The following CD99 variants were observed in gnomAD, a reference collection of about 807,000 sequenced individuals.
CD99 encodes CD99 antigen.
In CD99, 19 loss-of-function variants were observed where a neutral mutation model predicts 28.4. The ratio of observed to expected loss-of-function variants is 0.67; its 90% confidence interval spans 0.47 to 0.98. The LOEUF (loss-of-function observed/expected upper bound fraction) is 0.98. Ranked by LOEUF, CD99 falls within the 50% of genes least tolerant of loss-of-function variation. The pLI is 0.00. For synonymous variants in CD99, 103 were observed against 92.1 expected, an observed-to-expected ratio of 1.12 and a Z score of -0.67; for missense variants, 283 against 248.8, an observed-to-expected ratio of 1.14 and a Z score of -0.92.
At chrX:2,692,886 C>T (rs1251084961) in intron 1 of CD99, among the ~76,000 whole-genome samples, 1 of 152,148 alleles carries the variant, frequency 6.6e-6, no homozygotes, top group Non-Finnish European at 1.5e-5. Flanking sequence ...CCTAAGAATT[C>T]AGTTTCCTGG....
intron 8 of CD99, among the ~76,000 whole-genome samples, chrX:2,730,998 C>T (rs1436220861): frequency 6.6e-6 from 1 of 151,780 alleles, no homozygotes; most frequent in African/African-American, 2.4e-5. Context: ...CAAGACCCTA[C>T]CTCAAAAGAG....
At chrX:2,709,210 T>C (rs1277199415) in intron 1 of CD99, among the ~76,000 whole-genome samples, 1 of 152,038 alleles carries the variant, frequency 6.6e-6, no homozygotes, top group South Asian at 2.1e-4. Context: ...CATACATGCA[T>C]GCACACTCAT....
chrX:2,704,066 G>A (rs923070522), intron 1 of CD99, among the ~76,000 whole-genome samples: 1 of 152,160 alleles, frequency 6.6e-6, no homozygotes, highest in Non-Finnish European at 1.5e-5. Context: ...ACCACAGAAC[G>A]AAAATGTCTG....
Position 2,719,466 on chromosome X carries a change from C to T in CD99, c.149-195C>T, listed in dbSNP as rs311080. On this transcript the variant is annotated intron_variant, in intron 3 of 9. Transcript: ENST00000381192. ...TCTGTCTCTGTCTCTCTGTTTTTTC[C>T]TCTTTTTATCTGAGAGAATAGTGAT... is the stretch of plus-strand genomic sequence containing the variant. 0.02 allele frequency: 12,480 copies of T among 638,600 alleles called. 1,215 individuals carry two copies. In the African/African-American group the frequency reaches 0.21, roughly 11 times the overall value. 39.6% of individuals were successfully genotyped at this position (638,600 alleles called of 1,614,324 possible). A position where few individuals can be genotyped will look rare whatever the true frequency, so the allele number is the denominator to read the frequency against.
At chrX:2,697,322 A>G (rs2047623822) in intron 1 of CD99, among the ~76,000 whole-genome samples, 1 of 151,986 alleles carries the variant, frequency 6.6e-6, no homozygotes, top group Admixed American at 6.6e-5. Flanking sequence ...AAAGAGTCTG[A>G]TTTTCTGCAT....
At chrX:2,719,317 T>G (rs1280935408) in intron 3 of CD99, 4 of 292,030 alleles carry the variant, frequency 1.4e-5, no homozygotes, top group Non-Finnish European at 2.5e-5. Context: ...CAGGAGAAAA[T>G]CATGTGCAGG....
chrX:2,704,826 C>T (rs1282952779), intron 1 of CD99, among the ~76,000 whole-genome samples: 1 of 151,502 alleles, frequency 6.6e-6, no homozygotes, highest in Admixed American at 6.6e-5. Flanking sequence ...GCCATCCTCC[C>T]GCCTCAGCCT....
chrX:2,722,452 C>T (rs1401939269), intron 5 of CD99, 175 bp from the exon 6 acceptor site: 1 of 157,294 alleles, frequency 6.4e-6, no homozygotes, highest in African/African-American at 2.4e-5. Flanking sequence ...TCCCGAGTAG[C>T]TGGGATTACA....
At chrX:2,697,654 C>CA (rs1157448257) in intron 1 of CD99, among the ~76,000 whole-genome samples, 1 of 152,098 alleles carries the variant, frequency 6.6e-6, no homozygotes, top group Non-Finnish European at 1.5e-5. Context: ...AAACACACTG[C>CA]ATTGTCTTTT....
chrX:2,739,024 G>GT (rs893733523), intron 9 of CD99, among the ~76,000 whole-genome samples: 62 of 148,230 alleles, frequency 4.2e-4, no homozygotes, highest in East Asian at 1.6e-3. Context: ...ATTTGTTGTT[G>GT]TTTTTTTTTT....
At chrX:2,736,151 G>A (rs1254278847) in intron 8 of CD99, among the ~76,000 whole-genome samples, 2 of 150,194 alleles carry the variant, frequency 1.3e-5, no homozygotes, top group African/African-American at 4.9e-5. Flanking sequence ...GCAGTGAGCC[G>A]AGATCGCGCC....
At chrX:2,724,271 T>A (rs972429788) in intron 7 of CD99, among the ~76,000 whole-genome samples, 1 of 152,210 alleles carries the variant, frequency 6.6e-6, no homozygotes, top group African/African-American at 2.4e-5. Context: ...GGAGGGGTAG[T>A]TAAGCTTGAA....
intron 1 of CD99, among the ~76,000 whole-genome samples, chrX:2,712,678 C>G (rs1327554361): frequency 6.6e-6 from 1 of 152,160 alleles, no homozygotes; most frequent in African/African-American, 2.4e-5. Context: ...AACGACTCCA[C>G]TCTGGTTGCC....
chrX:2,723,556 C>T (rs2049112104), intron 7 of CD99, 192 bp downstream of exon 7: 2 of 655,180 alleles, frequency 3.1e-6, no homozygotes, highest in African/African-American at 1.8e-5. Flanking sequence ...AGCCCTGCTC[C>T]GGGTGCCCAC....
chrX:2,695,626 GAAAA>G (rs998736341), intron 1 of CD99, among the ~76,000 whole-genome samples: 1 of 145,706 alleles, frequency 6.9e-6, no homozygotes, highest in African/African-American at 2.6e-5. Context: ...TGCCCAGACT[GAAAA>G]AAAAGTCTTT....
rs188285375 is a variant in CD99 at position 2,739,612 on chromosome X, A to G, written c.533-1167A>G. Among the ~76,000 whole-genome samples, 267 of 151,630 alleles carry G rather than the reference A, an allele frequency of 1.8e-3. 1 individual carries two copies. The highest frequency in any genetic ancestry group is 6.3e-3 in the African/African-American group (259 of 41,374). On this transcript the variant is annotated intron_variant, in intron 9 of 9. Coordinates refer to ENST00000381192, the MANE Select transcript of CD99 (RefSeq NM_002414.5). ...CCACAGGCACCCGCCATCATGCCCC[A>G]CTAATTTTCTTTCTGTTTTTACTAG...
At chrX:2,728,375 T>C (rs1341553154) in intron 8 of CD99, among the ~76,000 whole-genome samples, 1 of 151,914 alleles carries the variant, frequency 6.6e-6, no homozygotes, top group Non-Finnish European at 1.5e-5. Flanking sequence ...TTTGTTTTTT[T>C]AGTAGAGATG....
chrX:2,727,290 T>C, intron 8 of CD99: 1 of 779,102 alleles, frequency 1.3e-6, no homozygotes, highest in South Asian at 1.3e-5. Context: ...GCAATCCTCC[T>C]AGGTCAGCTG....
chrX:2,691,998 G>A (rs2047330181), intron 1 of CD99: 1 of 738,522 alleles, frequency 1.4e-6, no homozygotes, highest in Non-Finnish European at 2.5e-6. Context: ...GAATTTCAGC[G>A]CGTGCTGTGC....
Sources: gnomAD v4.1 joint callset for allele counts (sites outside exome capture counted in the v4.1 genomes callset) on GRCh38, gnomAD v4.1.1 for gene constraint, MANE v1.5 for transcripts, NCBI Gene and HGNC (gene_info 2026-07-23, HGNC 2026-07-21) for gene names.